Variants in LAMA3 observed in about 807,000 individuals in gnomAD.
The protein encoded by LAMA3 is laminin subunit alpha 3, also known as laminin subunit alpha-3.
LAMA3 carries 281 observed loss-of-function variants against 402.0 expected under a neutral mutation model. The ratio of observed to expected loss-of-function variants is 0.70; its 90% CI spans 0.63 to 0.77. LAMA3 has a LOEUF of 0.77. LAMA3 is among the 30% of genes least tolerant of loss of function. The pLI is 0.00. For synonymous variants in LAMA3, 1,431 were observed against 1,558.4 expected (o/e 0.92, Z 1.93); for missense variants, 3,840 against 4,215.5 (o/e 0.91, Z 2.47).
intron 6 of LAMA3, among the ~76,000 whole-genome samples, chr18:23,756,790 G>A (rs899579044): frequency 1.3e-5 from 2 of 152,106 alleles, no homozygotes; most frequent in Non-Finnish European, 2.9e-5. Context: ...TCCCAGGCTC[G>A]GGAGTGCCAA....
At position 23,845,031 on chromosome 18, in the gene LAMA3, C is replaced by T. The variant is rs1568247424; in HGVS notation, c.3626C>T (p.Ala1209Val). 2.5e-6 allele frequency: 4 copies of T among 1,606,728 alleles called. No individual in the cohort carries two copies. The highest frequency in any genetic ancestry group is 1.7e-5 in the Admixed American group (1 of 60,024). The change falls in exon 30 of 75, where the codon GCA (alanine) becomes GTA (valine). Residue 1209 changes from alanine (A) to valine (V), a missense_variant. Transcript: ENST00000313654. ...LVLVRVLVVP[A>V]ENYDYQILHK... is the part of the protein sequence containing the mutation. Reference sequence around the variant, plus strand: ...CAGGTCCGTGTTCTAGTGGTGCCTGCAGAAAACTATGACTACCAAATACTT... The same window carrying T: ...CAGGTCCGTGTTCTAGTGGTGCCTGTAGAAAACTATGACTACCAAATACTT...
intron 12 of LAMA3, among the ~76,000 whole-genome samples, chr18:23,799,778 A>C (rs2062834824): frequency 6.6e-6 from 1 of 152,204 alleles, no homozygotes; most frequent in African/African-American, 2.4e-5. Flanking sequence ...GAATTGGCTC[A>C]TGCGATTGCG....
At chr18:23,775,544 C>T (rs888649586) in intron 9 of LAMA3, among the ~76,000 whole-genome samples, 5 of 151,516 alleles carry the variant, frequency 3.3e-5, no homozygotes, top group African/African-American at 1.2e-4. Flanking sequence ...GGGCAATGCT[C>T]AGTGGGATAA....
chr18:23,947,380 C>G (rs546540690), intron 70 of LAMA3, among the ~76,000 whole-genome samples: 63 of 152,292 alleles, frequency 4.1e-4, no homozygotes, highest in African/African-American at 1.4e-3. Context: ...GCAATTTTTG[C>G]CCTTTTCCTC....
intron 19 of LAMA3, among the ~76,000 whole-genome samples, chr18:23,820,790 G>A (rs1287024102): frequency 3.3e-5 from 5 of 151,970 alleles, no homozygotes; most frequent in Admixed American, 2.0e-4. Flanking sequence ...TTTCATTAGC[G>A]CATCCAAGAC....
chr18:23,733,462 A>G (rs1568125033), intron 2 of LAMA3, among the ~76,000 whole-genome samples: 1 of 120,008 alleles, frequency 8.3e-6, no homozygotes, highest in African/African-American at 3.0e-5. Context: ...TTATAAAACC[A>G]TCAGGTCTTG....
chr18:23,915,544 G>C, intron 59 of LAMA3, 122 bp downstream of exon 59: 2 of 910,542 alleles, frequency 2.2e-6, no homozygotes, highest in Non-Finnish European at 3.6e-6. Flanking sequence ...CTTTGGGCCA[G>C]TAGTTCTTCA....
intron 18 of LAMA3, among the ~76,000 whole-genome samples, chr18:23,819,177 C>CTTTTT (rs11480167): frequency 1.4e-5 from 2 of 146,104 alleles, no homozygotes; most frequent in Non-Finnish European, 3.0e-5. Flanking sequence ...GGCGAAGTGT[C>CTTTTT]TTTTTTTTTT....
intron 60 of LAMA3, among the ~76,000 whole-genome samples, chr18:23,916,942 G>A (rs1238388283): frequency 1.3e-5 from 2 of 151,774 alleles, no homozygotes; most frequent in Non-Finnish European, 2.9e-5. Flanking sequence ...GCATGTCACA[G>A]GGGTTTGGTG....
intron 67 of LAMA3, among the ~76,000 whole-genome samples, chr18:23,937,238 C>T (rs767040195): frequency 1.3e-5 from 2 of 151,950 alleles, no homozygotes; most frequent in South Asian, 2.1e-4. Context: ...TGGTGGTAGG[C>T]ACCTGTAATC....
At chr18:23,736,097 A>T (rs1313556019) in intron 2 of LAMA3, among the ~76,000 whole-genome samples, 1 of 151,958 alleles carries the variant, frequency 6.6e-6, no homozygotes, top group Non-Finnish European at 1.5e-5. Flanking sequence ...AAGTGTAGTA[A>T]GGCACAAGGA....
chr18:23,890,713 C>A (rs1036018169), intron 42 of LAMA3, among the ~76,000 whole-genome samples: 5 of 152,138 alleles, frequency 3.3e-5, no homozygotes, highest in African/African-American at 9.7e-5. Flanking sequence ...TGACACCAAA[C>A]ACTTAGATAA....
chr18:23,727,786 G>C (rs528930736), intron 2 of LAMA3, among the ~76,000 whole-genome samples: 2 of 152,274 alleles, frequency 1.3e-5, no homozygotes, highest in South Asian at 4.1e-4. Flanking sequence ...CTGGAATGTA[G>C]TGGCGTGATC....
chr18:23,719,345 A>C (rs958935934), intron 2 of LAMA3, among the ~76,000 whole-genome samples: 1 of 152,170 alleles, frequency 6.6e-6, no homozygotes, highest in African/African-American at 2.4e-5. Flanking sequence ...ATAAATAAAC[A>C]AATAAGGAAA....
intron 47 of LAMA3, 53 bp from the exon 48 acceptor site, chr18:23,901,074 C>A: frequency 6.8e-7 from 1 of 1,477,050 alleles, no homozygotes; most frequent in Non-Finnish European, 9.5e-7. Flanking sequence ...TTTTATAACC[C>A]AGCTTCAGTA....
chr18:23,777,209 A>G (rs1199766493), intron 10 of LAMA3, among the ~76,000 whole-genome samples: 1 of 151,910 alleles, frequency 6.6e-6, no homozygotes, highest in Non-Finnish European at 1.5e-5. Context: ...TGTCAGGAGA[A>G]AAAAATGAAA....
Position 23,824,440 on chromosome 18 carries a change from G to A in LAMA3, c.2446G>A (p.Glu816Lys). 1 of 1,614,170 alleles carries A rather than the reference G, an allele frequency of 6.2e-7. No homozygotes were observed. The highest frequency in any genetic ancestry group is 8.5e-7 in the Non-Finnish European group (1 of 1,179,990). ...TCTGATAGGTGCTGCTCAAAGCAAA[G>A]AGATCATCTTCCTGCCGAGTAAGGA... ...YPSWGAAQSK[E>K]IIFLPSKEPA... Residue 816 changes from glutamate (E) to lysine (K), a missense_variant, in exon 21 of 75, where the codon GAG becomes AAG. Glu to Lys is a moderately conservative substitution (Grantham distance 56). Around this residue, in one of 3 missense-constraint regions of LAMA3, gnomAD observed 2,109 missense variants for 2,376.0 expected, o/e 0.89. Coordinates refer to ENST00000313654, the MANE Select transcript of LAMA3 (RefSeq NM_198129.4).
At chr18:23,913,891 A>G (rs890815414) in intron 56 of LAMA3, among the ~76,000 whole-genome samples, 7 of 152,250 alleles carry the variant, frequency 4.6e-5, no homozygotes, top group African/African-American at 1.7e-4. Context: ...CACACTTAAA[A>G]TGGTTAAAAT....
At chr18:23,834,018 G>A (rs1359166783) in intron 24 of LAMA3, 30 bp downstream of exon 24, 1 of 1,613,306 alleles carries the variant, frequency 6.2e-7, no homozygotes. Context: ...GAATTCCTCT[G>A]TAAAGGAACA....
Sources: allele counts gnomAD v4.1 joint callset (sites outside exome capture counted in the v4.1 genomes callset), GRCh38; gene constraint gnomAD v4.1.1; regional missense constraint gnomAD v4.1.1; transcripts MANE v1.5; gene names NCBI Gene and HGNC (gene_info 2026-07-23, HGNC 2026-07-21).